GABRA3: variants seen among roughly 807,000 people sequenced by gnomAD.
The protein encoded by GABRA3 is gamma-aminobutyric acid receptor subunit alpha-3.
In GABRA3, 10 loss-of-function variants were observed where a neutral mutation model predicts 30.1. The observed-to-expected ratio is 0.33, with a 90% CI of 0.20 to 0.56. GABRA3 has a LOEUF of 0.56. GABRA3 is among the 20% of genes least tolerant of loss of function. The pLI, the probability that GABRA3 is intolerant of heterozygous loss-of-function variation, is 0.89. For missense variants in GABRA3, 233 were observed against 392.0 expected (o/e 0.59, Z 3.42); for synonymous variants, 151 against 146.8 (o/e 1.03, Z -0.21).
intron 5 of GABRA3, among the ~76,000 whole-genome samples, chrX:152,231,236 CAT>C (rs1374719400): frequency 1.9e-5 from 2 of 106,627 alleles, no homozygotes; most frequent in East Asian, 2.9e-4. Flanking sequence ...TATATACACA[CAT>C]ATGTATACAT....
chrX:152,198,844 C>G (rs1240740636), intron 7 of GABRA3, among the ~76,000 whole-genome samples: 1 of 112,316 alleles, frequency 8.9e-6, no homozygotes, highest in South Asian at 3.7e-4. Context: ...GGGCTTCCTA[C>G]TTGTTATGGG....
At chrX:152,400,270 G>A (rs1929759744) in intron 1 of GABRA3, among the ~76,000 whole-genome samples, 1 of 110,446 alleles carries the variant, frequency 9.1e-6, no homozygotes, top group African/African-American at 3.3e-5. Context: ...ATCACTTGAG[G>A]CCAGGAGTTT....
chrX:152,220,545 A>G (rs1937812947), intron 6 of GABRA3, among the ~76,000 whole-genome samples: 1 of 111,645 alleles, frequency 9.0e-6, no homozygotes, highest in Admixed American at 9.5e-5. Context: ...TACATAAACA[A>G]TGATGCCTGT....
At chrX:152,286,133 A>ATATAAGTTATACACTTATATAC (rs1255159462) in intron 3 of GABRA3, among the ~76,000 whole-genome samples, 2 of 86,508 alleles carry the variant, frequency 2.3e-5, no homozygotes, top group Non-Finnish European at 4.6e-5. Flanking sequence ...ATAGTATAGT[A>ATATAAGTTATACACTTATATAC]TATAAGTTAT....
intron 3 of GABRA3, among the ~76,000 whole-genome samples, chrX:152,341,983 C>T (rs2124479807): frequency 8.9e-6 from 1 of 112,001 alleles, no homozygotes; most frequent in East Asian, 2.8e-4. Context: ...AGCAATTCTC[C>T]TGCCTCAGCC....
intron 6 of GABRA3, among the ~76,000 whole-genome samples, chrX:152,220,504 G>T (rs951632937): frequency 2.7e-5 from 3 of 111,495 alleles, no homozygotes; most frequent in Non-Finnish European, 5.7e-5. Flanking sequence ...AATGAGCTCT[G>T]CTATGGACAT....
intron 3 of GABRA3, among the ~76,000 whole-genome samples, chrX:152,302,779 T>C (rs978838658): frequency 5.6e-4 from 62 of 111,141 alleles, no homozygotes; most frequent in African/African-American, 2.0e-3. Flanking sequence ...TTCATCTTTA[T>C]GTCTGTGTAT....
chrX:152,449,486 A>G (rs1289170760), intron 1 of GABRA3, among the ~76,000 whole-genome samples: 1 of 112,031 alleles, frequency 8.9e-6, no homozygotes, highest in African/African-American at 3.2e-5. Flanking sequence ...TAAAAGGTGC[A>G]GTTTGGAGCA....
intron 3 of GABRA3, among the ~76,000 whole-genome samples, chrX:152,344,501 GGGA>G (rs1940361580): frequency 8.9e-6 from 1 of 111,846 alleles, no homozygotes; most frequent in Non-Finnish European, 1.9e-5. Context: ...TAGTCTCACA[GGGA>G]TAATCTATAG....
chrX:152,170,821 G>A (rs1373613537), intron 9 of GABRA3, among the ~76,000 whole-genome samples: 1 of 112,059 alleles, frequency 8.9e-6, no homozygotes, highest in African/African-American at 3.2e-5. Context: ...ATGAGAGGAT[G>A]TTGGTTTACG....
chrX:152,322,464 C>T (rs981565960), intron 3 of GABRA3, among the ~76,000 whole-genome samples: 3 of 111,003 alleles, frequency 2.7e-5, no homozygotes, highest in Admixed American at 9.6e-5. Context: ...GAATTGTTCC[C>T]GTAAAATGGT....
intron 3 of GABRA3, among the ~76,000 whole-genome samples, chrX:152,285,027 AC>A (rs10715898): frequency 0.1 from 11,669 of 111,134 alleles, 494 homozygotes; most frequent in South Asian, 0.13. Context: ...CACTGGGCTT[AC>A]CCTTACCTGT....
chrX:152,247,598 ACACTT>A (rs1938479726), intron 5 of GABRA3, among the ~76,000 whole-genome samples: 1 of 111,675 alleles, frequency 9.0e-6, no homozygotes, highest in South Asian at 3.7e-4. Context: ...AAAAATGAAA[ACACTT>A]CACAGAATGC....
At chrX:152,214,529 C>A (rs142897183) in intron 6 of GABRA3, among the ~76,000 whole-genome samples, 2,684 of 111,028 alleles carry the variant, frequency 0.024, 44 homozygotes, top group Middle Eastern at 0.07. Flanking sequence ...CAGCTTTAAT[C>A]CTTTTGCTCA....
At chrX:152,447,873 G>A (rs919657250) in intron 1 of GABRA3, among the ~76,000 whole-genome samples, 6 of 111,752 alleles carry the variant, frequency 5.4e-5, no homozygotes, top group South Asian at 3.7e-4. Context: ...AATGTAGCCC[G>A]CCAAATCAGT....
chrX:152,417,504 A>T (rs951045359), intron 1 of GABRA3, among the ~76,000 whole-genome samples: 3 of 105,488 alleles, frequency 2.8e-5, no homozygotes, highest in Non-Finnish European at 5.8e-5. Flanking sequence ...ATACCATTTG[A>T]CCCAGCCATC....
At chrX:152,371,343 C>T in intron 1 of GABRA3, among the ~76,000 whole-genome samples, 1 of 111,553 alleles carries the variant, frequency 9.0e-6, no homozygotes, top group East Asian at 2.9e-4. Context: ...CGCTCTCCTT[C>T]CTAATATCAA....
At chrX:152,199,243 G>T (rs1199159713) in intron 7 of GABRA3, among the ~76,000 whole-genome samples, 2 of 105,592 alleles carry the variant, frequency 1.9e-5, no homozygotes, top group East Asian at 5.8e-4. Context: ...GCGGGCACCT[G>T]TAGTCCCAGA....
chrX:152,327,645 G>C (rs1409701146), intron 3 of GABRA3, among the ~76,000 whole-genome samples: 1 of 111,830 alleles, frequency 8.9e-6, no homozygotes, highest in African/African-American at 3.3e-5. Flanking sequence ...GATGTTCTTG[G>C]AAACCAATGA....
Sources: gnomAD v4.1 joint callset for allele counts (sites outside exome capture counted in the v4.1 genomes callset) on GRCh38, gnomAD v4.1.1 for gene constraint, MANE v1.5 for transcripts, NCBI Gene and HGNC (gene_info 2026-07-23, HGNC 2026-07-21) for gene names.